Variants in CDYL2 observed in about 807,000 individuals in gnomAD.
CDYL2 encodes chromodomain Y-like protein 2.
CDYL2 carries 23 observed loss-of-function variants against 49.4 expected under a neutral mutation model. That is an observed-to-expected ratio of 0.47 (90% CI 0.34 to 0.66). The LOEUF is 0.66. Among genes scored for constraint, CDYL2 ranks in the 30% least tolerant of loss-of-function variants. The pLI is 0.01. For missense variants in CDYL2, 678 were observed against 656.4 expected (o/e 1.03, Z -0.36); for synonymous variants, 360 against 268.8 (o/e 1.34, Z -3.32).
rs148292377 is a variant in CDYL2 at position 80,650,202 on chromosome 16, C to T, written c.617-16966G>A. 4.6e-4 allele frequency among the ~76,000 whole-genome samples: 70 copies of T among 152,162 alleles called. No homozygotes were observed. The Middle Eastern group carries it at 0.01, about 22-fold the overall frequency. On this transcript the variant is annotated intron_variant, in intron 2 of 6. Transcript: ENST00000570137. ...AGACAAGCCACAGAATGGGAGAAAA[C>T]GTGTACAAACTATCCATCTGACAAG...
intron 1 of CDYL2, among the ~76,000 whole-genome samples, chr16:80,789,315 C>T (rs1490722588): frequency 6.6e-6 from 1 of 152,084 alleles, no homozygotes. Flanking sequence ...AAAGAGACAC[C>T]TGCGGGGCCA....
At chr16:80,671,058 G>A (rs896303924) in intron 2 of CDYL2, 1 of 452,148 alleles carries the variant, frequency 2.2e-6, no homozygotes, top group East Asian at 7.0e-5. Context: ...CCTGACCCCA[G>A]TGGAGGCTTC....
intron 1 of CDYL2, among the ~76,000 whole-genome samples, chr16:80,695,271 G>A (rs1356506251): frequency 1.3e-5 from 2 of 152,128 alleles, no homozygotes; most frequent in Admixed American, 1.3e-4. Flanking sequence ...TCTGGCCCAA[G>A]AAAAAGTTTG....
intron 2 of CDYL2, among the ~76,000 whole-genome samples, chr16:80,651,682 G>A (rs1447402576): frequency 6.6e-6 from 1 of 152,158 alleles, no homozygotes; most frequent in Admixed American, 6.5e-5. Flanking sequence ...TATGTATAAA[G>A]CAACCTTACT....
At chr16:80,664,664 C>T (rs1421500473) in intron 2 of CDYL2, among the ~76,000 whole-genome samples, 1 of 152,192 alleles carries the variant, frequency 6.6e-6, no homozygotes. Context: ...TAGCTCTCTT[C>T]TGGCCTCCCA....
intron 1 of CDYL2, among the ~76,000 whole-genome samples, chr16:80,734,787 C>T (rs1905458118): frequency 6.6e-6 from 1 of 152,138 alleles, no homozygotes; most frequent in African/African-American, 2.4e-5. Flanking sequence ...TACACATTCC[C>T]TCTAGAACTG....
intron 1 of CDYL2, among the ~76,000 whole-genome samples, chr16:80,790,687 A>G (rs1190629012): frequency 2.6e-5 from 4 of 152,202 alleles, no homozygotes; most frequent in African/African-American, 7.2e-5. Context: ...CCAACAGTTC[A>G]CAGACGAGTT....
intron 2 of CDYL2, among the ~76,000 whole-genome samples, chr16:80,646,118 G>A (rs184368162): frequency 2.0e-5 from 3 of 151,618 alleles, no homozygotes; most frequent in Non-Finnish European, 4.4e-5. Context: ...TTGTGTACAT[G>A]TACCCTAGAA....
At chr16:80,707,400 G>A (rs1025977142) in intron 1 of CDYL2, among the ~76,000 whole-genome samples, 4 of 152,152 alleles carry the variant, frequency 2.6e-5, no homozygotes, top group Admixed American at 2.6e-4. Flanking sequence ...AATCAAAGCT[G>A]CAGTAAGCTA....
chr16:80,695,212 G>C (rs1910572888), intron 1 of CDYL2, among the ~76,000 whole-genome samples: 1 of 152,218 alleles, frequency 6.6e-6, no homozygotes. Context: ...CAATACAACA[G>C]TAGAAATGAG....
chr16:80,804,057 C>G, intron 1 of CDYL2, 93 bp downstream of exon 1: 1 of 863,218 alleles, frequency 1.2e-6, no homozygotes. Context: ...GGATTGCGCC[C>G]GGCCCCGGCC....
At chr16:80,667,221 G>T (rs770324996) in intron 2 of CDYL2, among the ~76,000 whole-genome samples, 4 of 152,158 alleles carry the variant, frequency 2.6e-5, no homozygotes, top group Non-Finnish European at 5.9e-5. Context: ...ACAGACAGAT[G>T]GGGTGGGCTT....
At position 80,797,791 on chromosome 16, in the gene CDYL2, C is replaced by G. The variant is rs769570557; in HGVS notation, c.24+6359G>C. 5.9e-5 allele frequency among the ~76,000 whole-genome samples: 9 copies of G among 152,162 alleles called. No individual in the cohort carries two copies. In the South Asian group the frequency reaches 1.7e-3, roughly 28 times the overall value. ...CATCCATTCCACTCCATCGCCATTA[C>G]CACTCCCTTAGTTCAAGCCACCATC... On this transcript the variant is annotated intron_variant, in intron 1 of 6. Transcript: ENST00000570137.
chr16:80,613,871 C>T (rs1004722056), intron 4 of CDYL2, among the ~76,000 whole-genome samples: 1 of 152,216 alleles, frequency 6.6e-6, no homozygotes, highest in Non-Finnish European at 1.5e-5. Context: ...GTTGGTCTGA[C>T]CTTGGCCTGA....
intron 1 of CDYL2, among the ~76,000 whole-genome samples, chr16:80,763,646 T>C (rs545978245): frequency 1.5e-4 from 23 of 151,918 alleles, no homozygotes; most frequent in African/African-American, 5.3e-4. Flanking sequence ...ACACTTCTCA[T>C]CAGAAAGGGT....
intron 1 of CDYL2, among the ~76,000 whole-genome samples, chr16:80,777,376 A>G (rs1033430818): frequency 6.6e-6 from 1 of 152,156 alleles, no homozygotes. Context: ...GATAAGTCAG[A>G]GAAACACTGA....
intron 1 of CDYL2, among the ~76,000 whole-genome samples, chr16:80,769,075 C>T (rs1487362028): frequency 7.2e-5 from 11 of 152,138 alleles, no homozygotes; most frequent in South Asian, 2.1e-4. Context: ...ATCAAGCAGG[C>T]CCCAAATACC....
intron 1 of CDYL2, among the ~76,000 whole-genome samples, chr16:80,793,131 G>A (rs1386729783): frequency 6.6e-6 from 1 of 152,168 alleles, no homozygotes; most frequent in Non-Finnish European, 1.5e-5. Context: ...CCTTCTCCAA[G>A]CAACCCAATC....
At chr16:80,643,104 G>C (rs939688449) in intron 2 of CDYL2, among the ~76,000 whole-genome samples, 5 of 152,146 alleles carry the variant, frequency 3.3e-5, no homozygotes, top group African/African-American at 1.2e-4. Flanking sequence ...AGACACAAGG[G>C]GGGTACAGGT....
Sources: allele counts gnomAD v4.1 joint callset (sites outside exome capture counted in the v4.1 genomes callset), GRCh38; gene constraint gnomAD v4.1.1; transcripts MANE v1.5; gene names NCBI Gene and HGNC (gene_info 2026-07-23, HGNC 2026-07-21).